Variants in SERPINI1 observed in about 807,000 individuals in gnomAD.
SERPINI1 encodes the protein serpin family I member 1.
A neutral mutation model predicts 41.1 loss-of-function variants in SERPINI1; 19 were observed. That is an observed-to-expected ratio of 0.46 (90% confidence interval 0.32 to 0.68). The LOEUF (loss-of-function observed/expected upper bound fraction) is 0.68. SERPINI1 is among the 30% of genes least tolerant of loss of function. The pLI is 0.03. For missense variants in SERPINI1, 460 were observed against 479.2 expected, an observed-to-expected ratio of 0.96 and a Z score of 0.37; for synonymous variants, 138 against 156.6, an observed-to-expected ratio of 0.88 and a Z score of 0.89.
intron 1 of SERPINI1, among the ~76,000 whole-genome samples, chr3:167,772,905 CACACACACACACACACAT>C (rs1560002725): frequency 1.3e-5 from 1 of 78,720 alleles, no homozygotes; most frequent in Non-Finnish European, 2.2e-5. Flanking sequence ...CACACACACA[CACACACACACACACACAT>C]GCATATATAC....
chr3:167,736,472 G>C (rs1420606173), intron 1 of SERPINI1, among the ~76,000 whole-genome samples: 1 of 152,112 alleles, frequency 6.6e-6, no homozygotes, highest in Non-Finnish European at 1.5e-5. Context: ...CTGGAATATT[G>C]GAACAAAGAC....
chr3:167,787,227 C>A (rs887314683), intron 1 of SERPINI1, among the ~76,000 whole-genome samples: 2 of 152,120 alleles, frequency 1.3e-5, no homozygotes, highest in Non-Finnish European at 2.9e-5. Context: ...ATAACAATGC[C>A]TTCTTCTGGA....
chr3:167,752,068 C>G (rs187292043), intron 1 of SERPINI1, among the ~76,000 whole-genome samples: 1 of 152,118 alleles, frequency 6.6e-6, no homozygotes, highest in Non-Finnish European at 1.5e-5. Context: ...TGTGTTCCTG[C>G]TTTCTGCCAG....
At chr3:167,748,211 G>GA (rs900923026) in intron 1 of SERPINI1, among the ~76,000 whole-genome samples, 36 of 150,156 alleles carry the variant, frequency 2.4e-4, no homozygotes, top group South Asian at 1.7e-3. Flanking sequence ...ATACTGGATA[G>GA]AAAAAAAAAG....
chr3:167,756,112 C>G (rs960808171), intron 1 of SERPINI1, among the ~76,000 whole-genome samples: 1 of 150,712 alleles, frequency 6.6e-6, no homozygotes, highest in Non-Finnish European at 1.5e-5. Context: ...AGTTTTAGGA[C>G]CACATGAGTA....
At chr3:167,754,714 G>A (rs1039112398) in intron 1 of SERPINI1, among the ~76,000 whole-genome samples, 1 of 152,164 alleles carries the variant, frequency 6.6e-6, no homozygotes, top group Admixed American at 6.5e-5. Flanking sequence ...GCATTATTTG[G>A]TTATAGCAGA....
rs150788402 is a variant in SERPINI1, at chr3:167,748,049, T to G, written c.-19+12226T>G. On this transcript the variant is annotated intron_variant, in intron 1 of 8. Coordinates refer to ENST00000446050, the MANE Select transcript of SERPINI1 (RefSeq NM_001122752.2). ...TATCTTAATACTTCTTTATATCTTA[T>G]TTTTCACTCAGAAAATATAATACTT... is the stretch of plus-strand genomic sequence containing the variant. 2.9e-3 allele frequency among the ~76,000 whole-genome samples: 442 copies of G among 151,904 alleles called. 2 individuals are homozygous for G. The highest frequency in any genetic ancestry group is 0.01 in the African/African-American group (418 of 41,496).
intron 5 of SERPINI1, among the ~76,000 whole-genome samples, chr3:167,801,928 A>G (rs966540574): frequency 1.3e-5 from 2 of 152,176 alleles, no homozygotes; most frequent in Non-Finnish European, 2.9e-5. Flanking sequence ...TATGCTAGAT[A>G]TTGCAAATAT....
chr3:167,757,028 AAG>A (rs1559996939), intron 1 of SERPINI1, among the ~76,000 whole-genome samples: 1 of 152,212 alleles, frequency 6.6e-6, no homozygotes, highest in African/African-American at 2.4e-5. Flanking sequence ...GGATTTATTA[AAG>A]AGAGAAAAGT....
chr3:167,821,477 C>T (rs1372055530), intron 6 of SERPINI1, among the ~76,000 whole-genome samples: 1 of 152,206 alleles, frequency 6.6e-6, no homozygotes, highest in Admixed American at 6.5e-5. Context: ...AGCATCCATG[C>T]CAGTGCCTGG....
At chr3:167,769,053 G>A (rs576003868) in intron 1 of SERPINI1, among the ~76,000 whole-genome samples, 2 of 152,212 alleles carry the variant, frequency 1.3e-5, no homozygotes, top group Admixed American at 1.3e-4. Flanking sequence ...GAGTGCAGTG[G>A]CATGATCTCA....
At chr3:167,822,890 C>G (rs1241932064) in intron 6 of SERPINI1, 96 bp from the exon 7 acceptor site, 2 of 729,182 alleles carry the variant, frequency 2.7e-6, no homozygotes, top group Non-Finnish European at 5.0e-6. Context: ...CTTCAGTATC[C>G]CAGTCTCTTA....
At chr3:167,769,318 G>A (rs1042961093) in intron 1 of SERPINI1, among the ~76,000 whole-genome samples, 1 of 151,972 alleles carries the variant, frequency 6.6e-6, no homozygotes, top group Non-Finnish European at 1.5e-5. Context: ...AATTGCCAAC[G>A]ACAGGAAGCC....
chr3:167,741,444 G>A (rs1413235248), intron 1 of SERPINI1, among the ~76,000 whole-genome samples: 2 of 152,078 alleles, frequency 1.3e-5, no homozygotes, highest in Admixed American at 6.5e-5. Flanking sequence ...AGACCCCAAA[G>A]AGCCCACTAA....
At chr3:167,741,093 A>C (rs1369822431) in intron 1 of SERPINI1, among the ~76,000 whole-genome samples, 1 of 152,128 alleles carries the variant, frequency 6.6e-6, no homozygotes, top group Non-Finnish European at 1.5e-5. Context: ...TGGCATTGAC[A>C]GTGCTCAGTG....
At chr3:167,788,754 A>G (rs1727395803) in intron 1 of SERPINI1, among the ~76,000 whole-genome samples, 1 of 152,188 alleles carries the variant, frequency 6.6e-6, no homozygotes, top group African/African-American at 2.4e-5. Context: ...CCCTGTAAAT[A>G]TCTTTTGGTT....
chr3:167,825,273 A>G lies in SERPINI1; in HGVS notation c.1183A>G (p.Met395Val), dbSNP rs144637103. ...TGTILFMGRVMHPETMNTSGH... is the reference protein window; with the variant it reads ...TGTILFMGRVVHPETMNTSGH... Reference sequence around the variant, plus strand: ...TACAATTCTATTCATGGGACGAGTCATGCATCCTGAAACAATGAACACAAG... The same window carrying G: ...TACAATTCTATTCATGGGACGAGTCGTGCATCCTGAAACAATGAACACAAG... The change falls in exon 9 of 9, where the codon ATG (methionine) becomes GTG (valine). Residue 395 changes from methionine to valine, a missense_variant. Physicochemically the swap from Met to Val is conservative, Grantham distance 21 (BLOSUM62 1). Coordinates refer to ENST00000446050, the MANE Select transcript of SERPINI1 (RefSeq NM_001122752.2). The G allele has an allele frequency of 1.2e-4, 187 of 1,613,486 alleles. 1 individual carries two copies. In the African/African-American group the frequency reaches 1.6e-3, roughly 14 times the overall value.
chr3:167,797,354 T>A (rs936821078), intron 5 of SERPINI1, among the ~76,000 whole-genome samples: 4 of 152,188 alleles, frequency 2.6e-5, no homozygotes, highest in Non-Finnish European at 5.9e-5. Context: ...TTTAATTAAA[T>A]CCCATTTGTT....
At chr3:167,785,234 C>G (rs1727268518) in intron 1 of SERPINI1, among the ~76,000 whole-genome samples, 1 of 152,008 alleles carries the variant, frequency 6.6e-6, no homozygotes, top group Non-Finnish European at 1.5e-5. Context: ...CAGAGCGAGA[C>G]TGTGTCTCAA....
Sources: allele counts gnomAD v4.1 joint callset (sites outside exome capture counted in the v4.1 genomes callset), GRCh38; gene constraint gnomAD v4.1.1; transcripts MANE v1.5; gene names NCBI Gene and HGNC (gene_info 2026-07-23, HGNC 2026-07-21).